The following CCND1 variants were observed in gnomAD, a reference collection of about 807,000 sequenced individuals.
CCND1 encodes G1/S-specific cyclin-D1.
In CCND1, 9 loss-of-function variants were observed where a neutral mutation model predicts 26.1. That is an observed-to-expected ratio of 0.35 (90% CI 0.21 to 0.60). The LOEUF (loss-of-function observed/expected upper bound fraction) is 0.60, where lower values mean the gene tolerates loss of function less well. CCND1 is among the 20% of genes least tolerant of loss of function. The pLI, the probability that CCND1 is intolerant of heterozygous loss-of-function variation, is 0.79. For synonymous variants in CCND1, 194 were observed against 166.1 expected (o/e 1.17, Z -1.29); for missense variants, 335 against 392.9 (o/e 0.85, Z 1.25).
At chr11:69,646,852 G>A (rs944049689) in intron 3 of CCND1, among the ~76,000 whole-genome samples, 2 of 152,238 alleles carry the variant, frequency 1.3e-5, no homozygotes, top group African/African-American at 4.8e-5. Flanking sequence ...TGTCTAGGAG[G>A]TCAGTCACAG....
rs2120108808 is a variant in CCND1 at position 69,648,028 on chromosome 11, G to T, written c.609G>T (p.Val203=). Residue 203 remains valine, a synonymous_variant, in exon 4 of 5, where the codon GTG becomes GTT. Transcript: ENST00000227507. ...VKFISNPPSM[V]AAGSVVAAVQ... The stretch of plus-strand genomic sequence containing the variant: ...TCATTTCCAATCCGCCCTCCATGGT[G>T]GCAGCGGGGAGCGTGGTGGCCGCAG... 6.2e-7 allele frequency: 1 copy of T among 1,614,006 alleles called. No homozygotes were observed. Among genetic ancestry groups the T allele is most frequent in the Non-Finnish European group, 8.5e-7 (1 of 1,180,028 alleles).
Position 69,652,118 on chromosome 11 carries a change from G to A in CCND1, c.*836G>A, listed in dbSNP as rs1855863893. ...CTCCTACGATACGCTACTATAAAGAGAAGACGAAATAGTGACATAATATAT... is the reference window on the plus strand; with the variant it reads ...CTCCTACGATACGCTACTATAAAGAAAAGACGAAATAGTGACATAATATAT... On this transcript the variant is annotated 3_prime_UTR_variant, in exon 5 of 5. Transcript: ENST00000227507. 1 of 233,414 alleles carries A rather than the reference G, an allele frequency of 4.3e-6. No homozygotes were observed. 14.5% of individuals were successfully genotyped at this position (233,414 alleles called of 1,614,324 possible).
chr11:69,647,950 G>T (rs756456317), intron 3 of CCND1, 44 bp from the exon 4 acceptor site: 3 of 1,608,654 alleles, frequency 1.9e-6, no homozygotes, highest in Non-Finnish European at 2.5e-6. Flanking sequence ...GCCCTGAGAG[G>T]GTCCCCTGCT....
chr11:69,648,260 G>A, intron 4 of CCND1, 118 bp downstream of exon 4: 2 of 1,235,858 alleles, frequency 1.6e-6, no homozygotes, highest in Non-Finnish European at 2.3e-6. Context: ...TTGGGGCTGG[G>A]GCTGGGCCCC....
At chr11:69,641,814 C>T (rs1193284780) in intron 1 of CCND1, among the ~76,000 whole-genome samples, 1 of 151,914 alleles carries the variant, frequency 6.6e-6, no homozygotes, top group Non-Finnish European at 1.5e-5. Flanking sequence ...GGCTGGCAGG[C>T]TGGGTGCGCT....
rs755964094 is a variant in CCND1, at chr11:69,648,772, G to A, written c.723+630G>A. 2.2e-3 allele frequency among the ~76,000 whole-genome samples: 333 copies of A among 152,352 alleles called. 1 individual carries two copies. Among genetic ancestry groups the A allele is most frequent in the Non-Finnish European group, 2.4e-3 (161 of 68,040 alleles). On this transcript the variant is annotated intron_variant, in intron 4 of 4. Coordinates refer to ENST00000227507, the MANE Select transcript of CCND1 (RefSeq NM_053056.3). ...GGCCGGGTCAGCCGCCGGCCCCGCGGTGTGTGAGGGAGTGACCGCCTGACC... is the reference window on the plus strand; with the variant it reads ...GGCCGGGTCAGCCGCCGGCCCCGCGATGTGTGAGGGAGTGACCGCCTGACC...
intron 4 of CCND1, among the ~76,000 whole-genome samples, chr11:69,649,931 G>C (rs1242177261): frequency 6.6e-6 from 1 of 152,198 alleles, no homozygotes; most frequent in East Asian, 1.9e-4. Flanking sequence ...TGTTTGTGCA[G>C]CCAGCCCGGC....
In CCND1 at chr11:69,651,147, C is replaced by T. The variant is rs771466787; in HGVS notation, c.753C>T (p.Ile251=). 2.7e-5 allele frequency: 43 copies of T among 1,613,196 alleles called. No homozygotes were observed. Among genetic ancestry groups the T allele is most frequent in the Non-Finnish European group, 3.6e-5 (42 of 1,179,634 alleles). ...PDCLRACQEQ[I]EALLESSLRQ... ...GCCTCCGGGCCTGCCAGGAGCAGATCGAAGCCCTGCTGGAGTCAAGCCTGC... is the reference window on the plus strand; with the variant it reads ...GCCTCCGGGCCTGCCAGGAGCAGATTGAAGCCCTGCTGGAGTCAAGCCTGC... The change falls in exon 5 of 5, where the codon ATC becomes ATT. Residue 251 remains isoleucine, a synonymous_variant. Coordinates refer to ENST00000227507, the MANE Select transcript of CCND1 (RefSeq NM_053056.3).
intron 3 of CCND1, among the ~76,000 whole-genome samples, chr11:69,647,260 T>A (rs1855794816): frequency 6.6e-6 from 1 of 152,154 alleles, no homozygotes; most frequent in African/African-American, 2.4e-5. Context: ...AGTTGGGGTG[T>A]ACTTGGTCTG....
At chr11:69,651,045 G>GGTCAT in intron 4 of CCND1, 73 bp from the exon 5 acceptor site, 1 of 1,434,246 alleles carries the variant, frequency 7.0e-7, no homozygotes. Context: ...CATGGCACCT[G>GGTCAT]GGAAGGGGCC....
At chr11:69,645,714 G>T (rs959179527) in intron 3 of CCND1, among the ~76,000 whole-genome samples, 1 of 152,226 alleles carries the variant, frequency 6.6e-6, no homozygotes, top group Non-Finnish European at 1.5e-5. Flanking sequence ...TCAGAAACAG[G>T]TTGAAGGAGG....
Position 69,654,230 on chromosome 11 carries a change from G to A in CCND1, c.*2948G>A. On this transcript the variant is annotated 3_prime_UTR_variant, in exon 5 of 5. Transcript: ENST00000227507. The surrounding 1 kb of genome is among the most constrained non-coding windows in gnomAD (Gnocchi z 6.3). ...GAGGGACGCTTTGTCTGTCGTGATGGGGCAAGGGCACAAGTCCTGGATGTT... is the reference window on the plus strand; with the variant it reads ...GAGGGACGCTTTGTCTGTCGTGATGAGGCAAGGGCACAAGTCCTGGATGTT... 1.4e-6 allele frequency: 1 copy of A among 702,532 alleles called. No individual in the cohort carries two copies. The allele number at this position is 702,532 out of a possible 1,614,324, so 43.5% of individuals were successfully genotyped here. A position where few individuals can be genotyped will look rare whatever the true frequency, so the allele number is the denominator to read the frequency against.
chr11:69,642,457 C>T (rs557583618), intron 1 of CCND1, among the ~76,000 whole-genome samples: 175 of 152,322 alleles, frequency 1.1e-3, no homozygotes, highest in African/African-American at 2.8e-3. Flanking sequence ...GTTTGAATTC[C>T]TGGGGCTCCC....
rs569348935 is a variant in CCND1, at chr11:69,652,228, G to A, written c.*946G>A. ...CCCAACGGCCCTGCAGCCAGCTCAC[G>A]TCCAGGTTCAACCCACAGCTACTTG... On this transcript the variant is annotated 3_prime_UTR_variant, in exon 5 of 5. Transcript: ENST00000227507. 24 of 233,588 alleles carry A rather than the reference G, an allele frequency of 1.0e-4. No homozygotes were observed. The highest frequency in any genetic ancestry group is 7.6e-5 in the Non-Finnish European group (9 of 118,070). 14.5% of individuals were successfully genotyped at this position (233,588 alleles called of 1,614,324 possible). A position where few individuals can be genotyped will look rare whatever the true frequency, so the allele number is the denominator to read the frequency against.
chr11:69,654,322 C>G lies in CCND1; in HGVS notation c.*3040C>G, dbSNP rs1009168079. On this transcript the variant is annotated 3_prime_UTR_variant, in exon 5 of 5. Transcript: ENST00000227507. This position sits in a 1 kb window ranked among gnomAD's most constrained non-coding sequence, Gnocchi z 6.3. ...GCACAGCGGAGTCTGTCCTGTGACG[C>G]GCAAGTCTGAGGGTCTGGGCGGCGG... is the stretch of plus-strand genomic sequence containing the variant. The G allele has an allele frequency of 4.3e-6, 3 of 702,496 alleles. No individual in the cohort carries two copies. Among genetic ancestry groups the G allele is most frequent in the Non-Finnish European group, 7.8e-6 (3 of 385,006 alleles). The allele number at this position is 702,496 out of a possible 1,614,324, so 43.5% of individuals were successfully genotyped here.
chr11:69,653,079 T>A lies in CCND1; in HGVS notation c.*1797T>A. ...AGACAATTTGCACATCTTGGCTATG[T>A]AATTCTTGTAATTTTTATTTAGGAA... is the stretch of plus-strand genomic sequence containing the variant. On this transcript the variant is annotated 3_prime_UTR_variant, in exon 5 of 5. Transcript: ENST00000227507. The A allele has an allele frequency of 1.9e-6, 1 of 540,008 alleles. No individual in the cohort carries two copies. Among genetic ancestry groups the A allele is most frequent in the South Asian group, 2.6e-5 (1 of 38,426 alleles). 33.5% of individuals were successfully genotyped at this position (540,008 alleles called of 1,614,324 possible). A position where few individuals can be genotyped will look rare whatever the true frequency, so the allele number is the denominator to read the frequency against.
At position 69,651,255 on chromosome 11, in the gene CCND1, C is replaced by A. The variant is rs1320057753; in HGVS notation, c.861C>A (p.Pro287=). ...AGGAGGTGGACCTGGCTTGCACACC[C>A]ACCGACGTGCGGGACGTGGACATCT... ...EEEEVDLACT[P]TDVRDVDI Residue 287 remains proline, a synonymous_variant, in exon 5 of 5, where the codon CCC becomes CCA. Transcript: ENST00000227507. The A allele has an allele frequency of 1.9e-6, 3 of 1,567,464 alleles. No individual in the cohort carries two copies. The highest frequency in any genetic ancestry group is 2.4e-5 in the East Asian group (1 of 42,268).
chr11:69,646,745 G>A (rs190941487), intron 3 of CCND1, among the ~76,000 whole-genome samples: 95 of 152,322 alleles, frequency 6.2e-4, no homozygotes, highest in African/African-American at 2.1e-3. Context: ...CACGGTAGGC[G>A]CATGACTGCC....
rs1290072457 is a variant in CCND1, at chr11:69,652,700, A to T, written c.*1418A>T. 1 of 233,194 alleles carries T rather than the reference A, an allele frequency of 4.3e-6. No individual in the cohort carries two copies. The highest frequency in any genetic ancestry group is 8.5e-6 in the Non-Finnish European group (1 of 118,102). The allele number at this position is 233,194 out of a possible 1,614,324, so 14.4% of individuals were successfully genotyped here. A position where few individuals can be genotyped will look rare whatever the true frequency, so the allele number is the denominator to read the frequency against. ...TATATAATTTATAGTTAAGGCTAAA[A>T]AGTATATTTATTGCAGAGGATGTTC... On this transcript the variant is annotated 3_prime_UTR_variant, in exon 5 of 5. Coordinates refer to ENST00000227507, the MANE Select transcript of CCND1 (RefSeq NM_053056.3).
Sources: allele counts gnomAD v4.1 joint callset (sites outside exome capture counted in the v4.1 genomes callset), GRCh38; gene constraint gnomAD v4.1.1; non-coding constraint Gnocchi (gnomAD v3.1); transcripts MANE v1.5; gene names NCBI Gene and HGNC (gene_info 2026-07-23, HGNC 2026-07-21).